NODAL: variants seen among roughly 807,000 people sequenced by gnomAD.
NODAL encodes the protein nodal homolog.
NODAL carries 12 observed loss-of-function variants against 34.0 expected under a neutral mutation model. That is an observed-to-expected ratio of 0.35 (90% CI 0.23 to 0.57). The LOEUF (loss-of-function observed/expected upper bound fraction) is 0.57, where lower values mean the gene tolerates loss of function less well. Among genes scored for constraint, NODAL ranks in the 20% least tolerant of loss-of-function variants. The pLI is 0.83. For missense variants in NODAL, 390 were observed against 444.2 expected (o/e 0.88, Z 1.10); for synonymous variants, 162 against 186.4 (o/e 0.87, Z 1.07).
chr10:70,434,895 C>A, intron 2 of NODAL: 1 of 223,950 alleles, frequency 4.5e-6, no homozygotes, highest in Non-Finnish European at 9.0e-6. Context: ...GAATAAGCAA[C>A]CTAAACAGTA....
upstream of NODAL, among the ~76,000 whole-genome samples, chr10:70,444,952 T>C (rs1845471535): frequency 6.6e-6 from 1 of 152,006 alleles, no homozygotes; most frequent in Admixed American, 6.6e-5. Context: ...CATGCACATA[T>C]AAATACAACA....
At chr10:70,434,693 C>T (rs894063034) in intron 2 of NODAL, 2 of 155,162 alleles carry the variant, frequency 1.3e-5, no homozygotes, top group African/African-American at 4.8e-5. Flanking sequence ...AATGGGTAGT[C>T]AATTCTCAAC....
chr10:70,435,352 G>A lies in NODAL; in HGVS notation c.825C>T (p.Arg275=), dbSNP rs1845331148. The A allele has an allele frequency of 1.2e-6, 2 of 1,614,194 alleles. No individual in the cohort carries two copies. The highest frequency in any genetic ancestry group is 1.7e-6 in the Non-Finnish European group (2 of 1,180,012). ...IIYPKQYNAY[R]CEGECPNPVG... ...CAGGATTAGGACACTCGCCCTCACA[G>A]CGATAGGCGTTGTACTGCTTGGGGT... The change falls in exon 2 of 3, where the codon CGC becomes CGT. Residue 275 remains arginine (R), a synonymous_variant. Transcript: ENST00000287139.
chr10:70,436,224 C>T (rs1845352093), intron 1 of NODAL: 1 of 555,284 alleles, frequency 1.8e-6, no homozygotes. Flanking sequence ...GTGGCAGAGC[C>T]AAGAGTAAAC....
At position 70,440,528 on chromosome 10, in the gene NODAL, G is replaced by A. The variant is rs1026939758; in HGVS notation, c.193+947C>T. Among the ~76,000 whole-genome samples, 9 of 152,240 alleles carry A rather than the reference G, an allele frequency of 5.9e-5. No homozygotes were observed. In the East Asian group the frequency reaches 1.4e-3, roughly 23 times the overall value. On this transcript the variant is annotated intron_variant, in intron 1 of 2. Transcript: ENST00000287139. ...GATTAGCGTTTGTGGATTGCGCCCCGGCCCCAGGGAGGGCCGTCTGGCCCC... is the reference window on the plus strand; with the variant it reads ...GATTAGCGTTTGTGGATTGCGCCCCAGCCCCAGGGAGGGCCGTCTGGCCCC...
chr10:70,434,646 T>A (rs994845909), intron 2 of NODAL, among the ~76,000 whole-genome samples: 2 of 152,214 alleles, frequency 1.3e-5, no homozygotes, highest in Admixed American at 6.5e-5. Context: ...TTCAGGCATG[T>A]GCCACCGCAC....
rs1274527534 is a variant in NODAL at position 70,435,832 on chromosome 10, G to A, written c.345C>T (p.His115=). 6.2e-7 allele frequency: 1 copy of A among 1,614,028 alleles called. No individual in the cohort carries two copies. The highest frequency in any genetic ancestry group is 1.3e-5 in the African/African-American group (1 of 74,946). ...TEGSLAIEIF[H]QPKPDTEQAS... Reference sequence around the variant, plus strand: ...CCTGCTCTGTGTCGGGCTTTGGCTGGTGGAAAATCTCAATGGCAAGTGAGC... The same window carrying A: ...CCTGCTCTGTGTCGGGCTTTGGCTGATGGAAAATCTCAATGGCAAGTGAGC... The change falls in exon 2 of 3, where the codon CAC becomes CAT. Residue 115 remains histidine (H), a synonymous_variant. Transcript: ENST00000287139.
upstream of NODAL, among the ~76,000 whole-genome samples, chr10:70,445,709 G>T (rs1410012731): frequency 2.0e-5 from 3 of 152,144 alleles, no homozygotes; most frequent in African/African-American, 7.2e-5. Flanking sequence ...CAGATAATTT[G>T]CCCAAAGCCA....
chr10:70,445,517 CA>C (rs1322025375), upstream of NODAL, among the ~76,000 whole-genome samples: 1 of 152,210 alleles, frequency 6.6e-6, no homozygotes, highest in Non-Finnish European at 1.5e-5. Context: ...CTTGGCCTCC[CA>C]AAGTGCTGGG....
intron 1 of NODAL, among the ~76,000 whole-genome samples, chr10:70,438,664 A>G (rs1845386074): frequency 6.6e-6 from 1 of 152,180 alleles, no homozygotes; most frequent in Non-Finnish European, 1.5e-5. Context: ...AAAGTTTCCT[A>G]TGAACAGGAT....
At chr10:70,446,771 G>T (rs1387324505) in intron 1 of NODAL, among the ~76,000 whole-genome samples, 3 of 152,082 alleles carry the variant, frequency 2.0e-5, no homozygotes, top group Admixed American at 6.6e-5. Flanking sequence ...AGGTACACAG[G>T]AATTAAAGCA....
chr10:70,439,562 G>T (rs1845401285), intron 1 of NODAL, among the ~76,000 whole-genome samples: 1 of 152,222 alleles, frequency 6.6e-6, no homozygotes, highest in South Asian at 2.1e-4. Context: ...GGTCCAAGGT[G>T]AAGGTTAAAC....
intron 1 of NODAL, among the ~76,000 whole-genome samples, chr10:70,439,076 C>T (rs1845393186): frequency 6.6e-6 from 1 of 152,098 alleles, no homozygotes; most frequent in Non-Finnish European, 1.5e-5. Flanking sequence ...GCGATCTCAG[C>T]TCACTGCAGC....
chr10:70,447,582 T>G (rs572849875), intron 1 of NODAL, among the ~76,000 whole-genome samples: 1 of 150,900 alleles, frequency 6.6e-6, no homozygotes, highest in African/African-American at 2.4e-5. Context: ...GAGGCTGAGA[T>G]GGCAGGAGGT....
chr10:70,432,399 C>G lies in NODAL; in HGVS notation c.*537G>C, dbSNP rs1156317154. ...TCTGGACAAGGCCAGTAGATTGCCA[C>G]TGGCCAGCCAGAAAGCTGTGGGGCT... On this transcript the variant is annotated 3_prime_UTR_variant, in exon 3 of 3. Coordinates refer to ENST00000287139, the MANE Select transcript of NODAL (RefSeq NM_018055.5). 1 of 188,454 alleles carries G rather than the reference C, an allele frequency of 5.3e-6. No individual in the cohort carries two copies. Among genetic ancestry groups the G allele is most frequent in the Non-Finnish European group, 1.1e-5 (1 of 89,406 alleles). 11.7% of individuals were successfully genotyped at this position (188,454 alleles called of 1,614,324 possible). A position where few individuals can be genotyped will look rare whatever the true frequency, so the allele number is the denominator to read the frequency against.
At chr10:70,433,977 G>A (rs575811898) in intron 2 of NODAL, among the ~76,000 whole-genome samples, 4 of 152,206 alleles carry the variant, frequency 2.6e-5, no homozygotes, top group Non-Finnish European at 4.4e-5. Context: ...CCAGGTGGGC[G>A]ATGAAAATCA....
In NODAL at chr10:70,441,498, A is replaced by T. The variant is rs755474548; in HGVS notation, c.170T>A (p.Ile57Asn). 3 of 1,592,988 alleles carry T rather than the reference A, an allele frequency of 1.9e-6. No homozygotes were observed. Among genetic ancestry groups the T allele is most frequent in the Non-Finnish European group, 2.6e-6 (3 of 1,171,240 alleles). ...ACCTTCTGCCTGTAGGCTGCGGATGATGTCTGCCCTCGGCAGCGGGTCGCG... is the reference window on the plus strand; with the variant it reads ...ACCTTCTGCCTGTAGGCTGCGGATGTTGTCTGCCCTCGGCAGCGGGTCGCG... ...LYRDPLPRAD[I>N]IRSLQAEDVA... Residue 57 changes from isoleucine (I) to asparagine (N), a missense_variant, in exon 1 of 3, where the codon ATC (isoleucine) becomes AAC (asparagine). Ile to Asn is a moderately radical substitution (Grantham distance 149). Coordinates refer to ENST00000287139, the MANE Select transcript of NODAL (RefSeq NM_018055.5).
chr10:70,435,839 A>G lies in NODAL; in HGVS notation c.338T>C (p.Ile113Thr), dbSNP rs1362902193. The change falls in exon 2 of 3, where the codon ATT becomes ACT. Residue 113 changes from isoleucine to threonine, a missense_variant. By Grantham distance (89) the Ile-to-Thr change is moderately conservative. Transcript: ENST00000287139. ...LPTEGSLAIE[I>T]FHQPKPDTEQ... The stretch of plus-strand genomic sequence containing the variant: ...TGTGTCGGGCTTTGGCTGGTGGAAA[A>G]TCTCAATGGCAAGTGAGCCCTCAGT... The G allele has an allele frequency of 3.7e-6, 6 of 1,613,908 alleles. No homozygotes were observed. Among genetic ancestry groups the G allele is most frequent in the South Asian group, 1.1e-5 (1 of 91,076 alleles).
chr10:70,437,611 A>G (rs1845373168), intron 1 of NODAL, among the ~76,000 whole-genome samples: 1 of 152,230 alleles, frequency 6.6e-6, no homozygotes, highest in African/African-American at 2.4e-5. Context: ...CATTAGAAAT[A>G]AGACAGGGCA....
Sources: allele counts gnomAD v4.1 joint callset (sites outside exome capture counted in the v4.1 genomes callset), GRCh38; gene constraint gnomAD v4.1.1; transcripts MANE v1.5; gene names NCBI Gene and HGNC (gene_info 2026-07-23, HGNC 2026-07-21).